Variants in ALK observed in about 807,000 individuals in gnomAD.
The protein encoded by ALK is ALK receptor tyrosine kinase, also known as ALK tyrosine kinase receptor.
Under a neutral mutation model 163.1 loss-of-function variants are expected in ALK, and 74 were observed. That is an observed-to-expected ratio of 0.45 (90% CI 0.38 to 0.55). The LOEUF is 0.55. ALK is among the 20% of genes least tolerant of loss of function. The pLI is 0.00. For missense variants in ALK, 2,063 were observed against 2,105.3 expected, an observed-to-expected ratio of 0.98 and a Z score of 0.39; for synonymous variants, 960 against 843.2, an observed-to-expected ratio of 1.14 and a Z score of -2.40.
chr2:29,455,341 C>T (rs558391021), intron 4 of ALK, among the ~76,000 whole-genome samples: 51 of 152,180 alleles, frequency 3.4e-4, no homozygotes, highest in African/African-American at 1.1e-3. Flanking sequence ...TGTCAGATGA[C>T]GAAGACATGA....
chr2:29,314,940 A>T (rs975899564), intron 8 of ALK, among the ~76,000 whole-genome samples: 1 of 152,168 alleles, frequency 6.6e-6, no homozygotes, highest in Non-Finnish European at 1.5e-5. Flanking sequence ...GGCGGATTCG[A>T]GCAGGTCTGA....
chr2:29,814,211 G>C (rs763622118), intron 1 of ALK, among the ~76,000 whole-genome samples: 2 of 152,168 alleles, frequency 1.3e-5, no homozygotes, highest in Non-Finnish European at 2.9e-5. Flanking sequence ...GAGGCCCAGC[G>C]GCTAACTGAC....
intron 1 of ALK, among the ~76,000 whole-genome samples, chr2:29,898,467 T>TA (rs1371440550): frequency 6.6e-6 from 1 of 152,194 alleles, no homozygotes; most frequent in East Asian, 1.9e-4. Flanking sequence ...AAAAAGCTGA[T>TA]AAAAAACAAT....
intron 26 of ALK, among the ~76,000 whole-genome samples, chr2:29,198,156 C>A (rs1426201438): frequency 6.6e-6 from 1 of 152,136 alleles, no homozygotes; most frequent in South Asian, 2.1e-4. Flanking sequence ...AGGAAGATTT[C>A]CTTAAGATAA....
chr2:29,804,615 C>A (rs1026559501), intron 1 of ALK, among the ~76,000 whole-genome samples: 2 of 152,226 alleles, frequency 1.3e-5, no homozygotes, highest in African/African-American at 2.4e-5. Context: ...ACCTCCATTG[C>A]CTTCCATTGT....
intron 1 of ALK, among the ~76,000 whole-genome samples, chr2:29,908,552 C>A (rs1572491189): frequency 6.6e-6 from 1 of 152,188 alleles, no homozygotes; most frequent in Non-Finnish European, 1.5e-5. Flanking sequence ...AAAAGGAAAC[C>A]ATCATTCTCA....
At chr2:29,789,296 A>G (rs1664128394) in intron 1 of ALK, among the ~76,000 whole-genome samples, 1 of 152,192 alleles carries the variant, frequency 6.6e-6, no homozygotes, top group Non-Finnish European at 1.5e-5. Context: ...TGGAAAATAA[A>G]TATCATCACA....
chr2:29,236,898 C>T (rs1049781268), intron 13 of ALK, among the ~76,000 whole-genome samples: 25 of 152,168 alleles, frequency 1.6e-4, no homozygotes, highest in Admixed American at 1.6e-3. Flanking sequence ...TGAACTCTAG[C>T]GGCCTGTCTC....
At chr2:29,633,806 A>G (rs1676448676) in intron 3 of ALK, among the ~76,000 whole-genome samples, 1 of 152,202 alleles carries the variant, frequency 6.6e-6, no homozygotes, top group Admixed American at 6.5e-5. Flanking sequence ...GTATACATTT[A>G]ACAACATAGA....
intron 12 of ALK, among the ~76,000 whole-genome samples, chr2:29,245,417 T>C (rs1266592780): frequency 2.3e-5 from 2 of 87,080 alleles, no homozygotes; most frequent in African/African-American, 4.4e-5. Context: ...GCCCTGCACG[T>C]AGTAGGGGCT....
chr2:29,331,845 G>A (rs1364397932), intron 5 of ALK, among the ~76,000 whole-genome samples: 1 of 152,126 alleles, frequency 6.6e-6, no homozygotes, highest in Non-Finnish European at 1.5e-5. Context: ...CAAGGCACAG[G>A]TATTTAGGAT....
intron 14 of ALK, 46 bp from the exon 15 acceptor site, chr2:29,232,494 C>T (rs1457126982): frequency 1.9e-6 from 3 of 1,612,014 alleles, no homozygotes; most frequent in Non-Finnish European, 2.5e-6. Flanking sequence ...AGCTGTGCTT[C>T]CCCCTGGAGC....
chr2:29,739,545 G>A (rs148006097), intron 1 of ALK, among the ~76,000 whole-genome samples: 1,944 of 148,080 alleles, frequency 0.013, 58 homozygotes, highest in African/African-American at 0.046. Context: ...GCGACAGTGC[G>A]TGAATCTGTC....
chr2:29,604,308 G>A (rs1046730072), intron 3 of ALK, among the ~76,000 whole-genome samples: 4 of 152,046 alleles, frequency 2.6e-5, no homozygotes, highest in African/African-American at 7.2e-5. Context: ...ATTCATTTAC[G>A]TATGGTCTAT....
chr2:29,575,460 A>G (rs976152553), intron 3 of ALK, among the ~76,000 whole-genome samples: 2 of 152,146 alleles, frequency 1.3e-5, no homozygotes, highest in African/African-American at 4.8e-5. Flanking sequence ...CACCTGACCC[A>G]GTCTCCTAAA....
chr2:29,504,174 G>A (rs544593092), intron 4 of ALK, among the ~76,000 whole-genome samples: 10 of 152,182 alleles, frequency 6.6e-5, no homozygotes, highest in Admixed American at 4.6e-4. Flanking sequence ...ACAGTATAGA[G>A]CCAAGGGAAG....
intron 11 of ALK, among the ~76,000 whole-genome samples, chr2:29,271,988 AGGG>A (rs1172661933): frequency 6.6e-6 from 1 of 152,088 alleles, no homozygotes; most frequent in Non-Finnish European, 1.5e-5. Flanking sequence ...AGAAGGATAG[AGGG>A]GTAGGGAGGT....
chr2:29,864,780 G>A (rs575527201), intron 1 of ALK, among the ~76,000 whole-genome samples: 1 of 152,304 alleles, frequency 6.6e-6, no homozygotes, highest in East Asian at 1.9e-4. Flanking sequence ...CAGTCCCAGG[G>A]TGCCTCTAAT....
intron 4 of ALK, among the ~76,000 whole-genome samples, chr2:29,418,763 T>G (rs1669943759): frequency 6.6e-6 from 1 of 152,262 alleles, no homozygotes; most frequent in East Asian, 1.9e-4. Flanking sequence ...TTAGTCTTTC[T>G]TTTTAAATTA....
Sources: allele counts gnomAD v4.1 joint callset (sites outside exome capture counted in the v4.1 genomes callset), GRCh38; gene constraint gnomAD v4.1.1; transcripts MANE v1.5; gene names NCBI Gene and HGNC (gene_info 2026-07-23, HGNC 2026-07-21).